The following GALNT13 variants were observed in gnomAD, a reference collection of about 807,000 sequenced individuals.
The protein encoded by GALNT13 is polypeptide N-acetylgalactosaminyltransferase 13.
A neutral mutation model predicts 64.2 loss-of-function variants in GALNT13; 28 were observed. The observed-to-expected ratio is 0.44, with a 90% CI of 0.32 to 0.60. The LOEUF is 0.60. Ranked by LOEUF, GALNT13 falls within the 20% of genes least tolerant of loss-of-function variation. The pLI, the probability that GALNT13 is intolerant of heterozygous loss-of-function variation, is 0.05. For missense variants in GALNT13, 577 were observed against 669.8 expected (o/e 0.86, Z 1.53); for synonymous variants, 214 against 224.6 (o/e 0.95, Z 0.42).
the GALNT13 span, among the ~76,000 whole-genome samples, chr2:153,680,294 T>C: frequency 6.6e-6 from 1 of 151,788 alleles, no homozygotes; most frequent in Non-Finnish European, 1.5e-5. Context: ...TTATCTCTGA[T>C]TCCACAGAGA....
At chr2:153,373,132 T>TTGTGTGTG in the GALNT13 span, among the ~76,000 whole-genome samples, 6,041 of 148,760 alleles carry the variant, frequency 0.041, 117 homozygotes, top group Middle Eastern at 0.073. Context: ...TTCTGTTGCT[T>TTGTGTGTG]TGTGTGTGTG....
chr2:154,065,939 G>T (rs1700439711), intron 3 of GALNT13, among the ~76,000 whole-genome samples: 1 of 151,462 alleles, frequency 6.6e-6, no homozygotes. Context: ...TTCAGACAGA[G>T]AATTTAAAAG....
the GALNT13 span, among the ~76,000 whole-genome samples, chr2:153,364,854 T>C: frequency 6.6e-6 from 1 of 151,716 alleles, no homozygotes; most frequent in East Asian, 1.9e-4. Context: ...CAAACTACCA[T>C]TGACATTCTT....
At position 154,442,062 on chromosome 2, in the gene GALNT13, A is replaced by G. The variant is rs187791610; in HGVS notation, c.1530+3336A>G. Among the ~76,000 whole-genome samples the G allele has an allele frequency of 1.0e-2, 1,519 of 152,214 alleles. 103 individuals are homozygous for G. Among genetic ancestry groups the G allele is most frequent in the Admixed American group, 0.095 (1,444 of 15,266 alleles). On this transcript the variant is annotated intron_variant, in intron 12 of 12. Transcript: ENST00000392825. ...ATAATTAGATTCTCTTTCAGTGGTT[A>G]AGATATAATAAGCTAAATATACAGT...
At chr2:153,868,345 G>A (rs557506251), upstream of GALNT13, among the ~76,000 whole-genome samples, 1 of 152,096 alleles carries the variant, frequency 6.6e-6, no homozygotes, top group Non-Finnish European at 1.5e-5. Context: ...GAGTATAAAG[G>A]TTCTTATAGG....
At chr2:153,734,397 A>C in the GALNT13 span, among the ~76,000 whole-genome samples, 1 of 152,194 alleles carries the variant, frequency 6.6e-6, no homozygotes, top group Non-Finnish European at 1.5e-5. Context: ...ACTTACCAAA[A>C]CACAGATCTG....
chr2:153,395,996 G>A, the GALNT13 span, among the ~76,000 whole-genome samples: 1 of 152,086 alleles, frequency 6.6e-6, no homozygotes, highest in African/African-American at 2.4e-5. Context: ...ATTCAATTCT[G>A]ATGTTATATT....
At chr2:154,426,268 A>T (rs1700465477) in intron 11 of GALNT13, among the ~76,000 whole-genome samples, 1 of 152,092 alleles carries the variant, frequency 6.6e-6, no homozygotes, top group Non-Finnish European at 1.5e-5. Context: ...GCCCTCCGTT[A>T]TGTGCCATGT....
intron 3 of GALNT13, among the ~76,000 whole-genome samples, chr2:154,053,507 G>T (rs1272630039): frequency 6.6e-6 from 1 of 150,882 alleles, no homozygotes; most frequent in Non-Finnish European, 1.5e-5. Flanking sequence ...AATCAGTTCA[G>T]CCTGCTTTAT....
chr2:154,060,692 A>G (rs766771762), intron 3 of GALNT13, among the ~76,000 whole-genome samples: 3 of 152,164 alleles, frequency 2.0e-5, no homozygotes, highest in Non-Finnish European at 4.4e-5. Context: ...TATCTGTATT[A>G]GAAGACCATT....
At chr2:153,332,431 A>G in the GALNT13 span, among the ~76,000 whole-genome samples, 15 of 152,054 alleles carry the variant, frequency 9.9e-5, no homozygotes, top group Non-Finnish European at 1.5e-4. Flanking sequence ...TTTCCTCAAA[A>G]GTCATTCAGG....
At chr2:153,654,377 A>G in the GALNT13 span, among the ~76,000 whole-genome samples, 18 of 152,238 alleles carry the variant, frequency 1.2e-4, no homozygotes, top group African/African-American at 3.9e-4. Context: ...TATTGATGAT[A>G]TTATGAAAAT....
chr2:154,368,318 C>T (rs563782544), intron 9 of GALNT13, among the ~76,000 whole-genome samples: 2 of 152,238 alleles, frequency 1.3e-5, no homozygotes, highest in East Asian at 3.9e-4. Context: ...ATAGCTCAGA[C>T]AAAGCTGACC....
the GALNT13 span, among the ~76,000 whole-genome samples, chr2:153,747,093 A>G: frequency 6.6e-6 from 1 of 152,050 alleles, no homozygotes; most frequent in Non-Finnish European, 1.5e-5. Context: ...GGTTCATAGT[A>G]GGTATATATA....
the GALNT13 span, among the ~76,000 whole-genome samples, chr2:153,855,621 T>G: frequency 6.6e-6 from 1 of 152,150 alleles, no homozygotes. Context: ...ATTGTAAACC[T>G]CATACATTGC....
intron 8 of GALNT13, among the ~76,000 whole-genome samples, chr2:154,298,736 T>C (rs1693208634): frequency 1.0e-4 from 9 of 87,222 alleles, no homozygotes; most frequent in African/African-American, 2.7e-4. Flanking sequence ...TATTTATATA[T>C]AGTATATATA....
chr2:153,549,742 A>G, the GALNT13 span, among the ~76,000 whole-genome samples: 1 of 152,092 alleles, frequency 6.6e-6, no homozygotes, highest in Non-Finnish European at 1.5e-5. Context: ...TTAAATGACT[A>G]AGTTCTGTGG....
chr2:153,813,039 G>A, the GALNT13 span, among the ~76,000 whole-genome samples: 1,078 of 151,992 alleles, frequency 7.1e-3, 13 homozygotes, highest in African/African-American at 0.025. Flanking sequence ...TTATCTATAC[G>A]CTTCATTTCT....
At chr2:154,199,200 G>A (rs1427781031) in intron 4 of GALNT13, among the ~76,000 whole-genome samples, 3 of 151,580 alleles carry the variant, frequency 2.0e-5, no homozygotes, top group African/African-American at 7.3e-5. Context: ...ATTCTGTTCT[G>A]CTCTGAATGT....
Sources: allele counts gnomAD v4.1 joint callset (sites outside exome capture counted in the v4.1 genomes callset), GRCh38; gene constraint gnomAD v4.1.1; transcripts MANE v1.5; gene names NCBI Gene and HGNC (gene_info 2026-07-23, HGNC 2026-07-21).